Variants in LAMA2 observed in about 807,000 individuals in gnomAD.
LAMA2 encodes laminin subunit alpha-2.
LAMA2 carries 269 observed loss-of-function variants against 364.8 expected under a neutral mutation model. That is an observed-to-expected ratio of 0.74 (90% CI 0.67 to 0.82). LAMA2 has a LOEUF of 0.82. LAMA2 is among the 40% of genes least tolerant of loss of function. LAMA2 has a pLI of 0.00. For missense variants in LAMA2, 3,807 were observed against 3,873.2 expected (o/e 0.98, Z 0.45); for synonymous variants, 1,379 against 1,370.6 (o/e 1.01, Z -0.14).
chr6:129,432,080 A>C (rs951402840), intron 41 of LAMA2, among the ~76,000 whole-genome samples: 1 of 152,178 alleles, frequency 6.6e-6, no homozygotes, highest in African/African-American at 2.4e-5. Context: ...GCCTTTCCAT[A>C]GCAGGCATGC....
chr6:129,083,694 A>C (rs550227741), intron 3 of LAMA2, among the ~76,000 whole-genome samples: 1 of 152,174 alleles, frequency 6.6e-6, no homozygotes, highest in Admixed American at 6.6e-5. Context: ...AAAAGTTTCA[A>C]AGTAGATGTA....
At chr6:128,959,568 G>T (rs1284014140) in intron 1 of LAMA2, among the ~76,000 whole-genome samples, 1 of 152,028 alleles carries the variant, frequency 6.6e-6, no homozygotes. Flanking sequence ...GCACTGGCTG[G>T]TCTTCTATCT....
At chr6:129,042,550 ACATT>A (rs1787183451) in intron 1 of LAMA2, among the ~76,000 whole-genome samples, 1 of 152,042 alleles carries the variant, frequency 6.6e-6, no homozygotes, top group South Asian at 2.1e-4. Context: ...ACCCCGTGTA[ACATT>A]CACTCACTGA....
chr6:129,109,488 A>C (rs1384895877), intron 4 of LAMA2, among the ~76,000 whole-genome samples: 1 of 151,898 alleles, frequency 6.6e-6, no homozygotes, highest in Non-Finnish European at 1.5e-5. Flanking sequence ...AAAATTCTGA[A>C]ATGCCTTAAT....
In LAMA2 at chr6:129,340,830, CAAAAAAAAAAAAAA is replaced by C. The variant is rs34264921; in HGVS notation, c.4312-1504_4312-1491del. ...CAGCCTGGGCGACAGAGCTCTGTCT[CAAAAAAAAAAAAAA>C]AAAAAAAAGAGAAAAAGAAAAGAAA... is the stretch of plus-strand genomic sequence containing the variant. On this transcript the variant is annotated intron_variant, in intron 29 of 64. Coordinates refer to ENST00000421865, the MANE Select transcript of LAMA2 (RefSeq NM_000426.4). Among the ~76,000 whole-genome samples, 24 of 59,594 alleles carry C rather than the reference CAAAAAAAAAAAAAA, an allele frequency of 4.0e-4. No individual in the cohort carries two copies. In the East Asian group the frequency reaches 9.3e-3, roughly 23 times the overall value. The allele number at this position is 59,594 out of a possible 152,430, so 39.1% of individuals were successfully genotyped here. A position where few individuals can be genotyped will look rare whatever the true frequency, so the allele number is the denominator to read the frequency against.
chr6:129,165,427 A>T (rs1270618537), intron 8 of LAMA2, 149 bp from the exon 9 acceptor site: 10 of 569,392 alleles, frequency 1.8e-5, no homozygotes, highest in Non-Finnish European at 2.5e-5. Context: ...TAGAAATTAT[A>T]AACATGTATT....
intron 30 of LAMA2, among the ~76,000 whole-genome samples, chr6:129,342,974 C>G (rs1257802736): frequency 1.3e-5 from 2 of 152,012 alleles, no homozygotes; most frequent in South Asian, 2.1e-4. Context: ...ATGTCATCTC[C>G]CGGAATCACA....
At chr6:129,213,497 A>G (rs910628294) in intron 12 of LAMA2, among the ~76,000 whole-genome samples, 3 of 152,180 alleles carry the variant, frequency 2.0e-5, no homozygotes, top group Admixed American at 6.5e-5. Context: ...CTCACCAGCA[A>G]TGAACAAGAG....
intron 12 of LAMA2, among the ~76,000 whole-genome samples, chr6:129,238,138 A>C (rs1583315919): frequency 6.6e-6 from 1 of 151,630 alleles, no homozygotes; most frequent in South Asian, 2.1e-4. Flanking sequence ...GTGCCATTGC[A>C]CTCCAGACTG....
chr6:128,964,240 G>C (rs1781709450), intron 1 of LAMA2, among the ~76,000 whole-genome samples: 1 of 152,058 alleles, frequency 6.6e-6, no homozygotes, highest in Admixed American at 6.6e-5. Context: ...ACATGGGAAA[G>C]GGATGCTTGA....
At chr6:128,908,939 A>G (rs1196535565) in intron 1 of LAMA2, among the ~76,000 whole-genome samples, 1 of 146,942 alleles carries the variant, frequency 6.8e-6, no homozygotes. Context: ...CATGTAGTTG[A>G]GCAGTTTTGA....
chr6:129,506,297 G>A (rs987951621), intron 61 of LAMA2, among the ~76,000 whole-genome samples: 2 of 152,002 alleles, frequency 1.3e-5, no homozygotes, highest in Non-Finnish European at 2.9e-5. Flanking sequence ...AGGTTGCAGT[G>A]AGCTGTAATA....
intron 3 of LAMA2, among the ~76,000 whole-genome samples, chr6:129,095,785 G>T (rs369952984): frequency 2.0e-5 from 3 of 151,094 alleles, no homozygotes; most frequent in Admixed American, 1.3e-4. Flanking sequence ...TTAGCCAGGC[G>T]CAGTGGCACC....
At chr6:129,446,176 C>T (rs1367287346) in intron 45 of LAMA2, among the ~76,000 whole-genome samples, 1 of 143,938 alleles carries the variant, frequency 6.9e-6, no homozygotes, top group Non-Finnish European at 1.5e-5. Flanking sequence ...AAAAACAAAC[C>T]AAAAAAAAAG....
At chr6:129,418,104 C>A (rs569206025) in intron 40 of LAMA2, among the ~76,000 whole-genome samples, 2 of 152,290 alleles carry the variant, frequency 1.3e-5, no homozygotes, top group Non-Finnish European at 2.9e-5. Flanking sequence ...ACTGCCATTA[C>A]TGAGACCCTC....
intron 41 of LAMA2, among the ~76,000 whole-genome samples, chr6:129,436,344 G>A (rs986178250): frequency 6.6e-6 from 1 of 152,020 alleles, no homozygotes; most frequent in African/African-American, 2.4e-5. Context: ...TATATATGGT[G>A]CATCTTGCTT....
At chr6:129,171,643 A>C (rs1318393613) in intron 9 of LAMA2, among the ~76,000 whole-genome samples, 1 of 146,908 alleles carries the variant, frequency 6.8e-6, no homozygotes, top group Non-Finnish European at 1.5e-5. Context: ...GAATCTGACA[A>C]TTATGTGTCT....
intron 1 of LAMA2, among the ~76,000 whole-genome samples, chr6:129,047,457 T>G (rs1562186332): frequency 6.6e-6 from 1 of 152,004 alleles, no homozygotes; most frequent in East Asian, 1.9e-4. Flanking sequence ...TCAGGAAAAA[T>G]TGGGAACCTC....
chr6:129,054,763 C>A (rs1788349345), intron 2 of LAMA2, among the ~76,000 whole-genome samples: 1 of 148,372 alleles, frequency 6.7e-6, no homozygotes, highest in Admixed American at 6.7e-5. Context: ...ATAATATGTA[C>A]CTATGTGTAT....
Sources: gnomAD v4.1 joint callset for allele counts (sites outside exome capture counted in the v4.1 genomes callset) on GRCh38, gnomAD v4.1.1 for gene constraint, MANE v1.5 for transcripts, NCBI Gene and HGNC (gene_info 2026-07-23, HGNC 2026-07-21) for gene names.